PIAS1: variants seen among roughly 807,000 people sequenced by gnomAD.
PIAS1 encodes protein inhibitor of activated STAT 1.
A neutral mutation model predicts 71.3 loss-of-function variants in PIAS1; 6 were observed. That is an observed-to-expected ratio of 0.08 (90% CI 0.05 to 0.17). The LOEUF (loss-of-function observed/expected upper bound fraction) is 0.17. PIAS1 is among the 10% of genes least tolerant of loss of function. The probability of loss-of-function intolerance (pLI) is 1.00; values close to 1 mark genes in which losing one functional copy is unlikely to be tolerated. For synonymous variants in PIAS1, 303 were observed against 292.9 expected, an observed-to-expected ratio of 1.03 and a Z score of -0.35; for missense variants, 555 against 793.6, an observed-to-expected ratio of 0.70 and a Z score of 3.61.
At chr15:68,095,886 A>G (rs2092371213) in intron 2 of PIAS1, among the ~76,000 whole-genome samples, 2 of 152,158 alleles carry the variant, frequency 1.3e-5, no homozygotes, top group Non-Finnish European at 2.9e-5. Context: ...AGCTCTGGGC[A>G]GAGATTAGTT....
intron 2 of PIAS1, among the ~76,000 whole-genome samples, chr15:68,120,550 G>T (rs190586192): frequency 8.0e-4 from 121 of 152,050 alleles, no homozygotes; most frequent in African/African-American, 2.8e-3. Context: ...AATTCGTCAC[G>T]ACCCTACTTC....
chr15:68,107,719 G>A (rs550275194), intron 2 of PIAS1, among the ~76,000 whole-genome samples: 2 of 151,862 alleles, frequency 1.3e-5, no homozygotes, highest in Non-Finnish European at 2.9e-5. Flanking sequence ...AGATAAGATG[G>A]TCATCAGTTA....
chr15:68,159,722 T>G (rs1158632538), intron 7 of PIAS1, among the ~76,000 whole-genome samples: 1 of 152,186 alleles, frequency 6.6e-6, no homozygotes, highest in Non-Finnish European at 1.5e-5. Context: ...GATAAATTGA[T>G]GGACATTTGG....
intron 1 of PIAS1, among the ~76,000 whole-genome samples, chr15:68,066,313 T>C (rs2092025202): frequency 6.6e-6 from 1 of 152,008 alleles, no homozygotes; most frequent in Non-Finnish European, 1.5e-5. Context: ...TTCACCATGT[T>C]GGCCAGGCTG....
chr15:68,090,927 G>GGTGTGTGTGT (rs10667510), intron 2 of PIAS1, among the ~76,000 whole-genome samples: 27,676 of 142,586 alleles, frequency 0.19, 3,217 homozygotes, highest in East Asian at 0.44. Context: ...GTCATTTACG[G>GGTGTGTGTGT]GTGTGTGTGT....
intron 2 of PIAS1, among the ~76,000 whole-genome samples, chr15:68,139,454 A>G (rs2092755205): frequency 6.6e-6 from 1 of 152,244 alleles, no homozygotes; most frequent in Non-Finnish European, 1.5e-5. Context: ...TGTACATACT[A>G]TATATGTAGC....
intron 12 of PIAS1, among the ~76,000 whole-genome samples, chr15:68,182,490 C>CGTGTGTGTGTGTGTGTGTGTGTGTGT (rs67774530): frequency 1.6e-4 from 20 of 123,354 alleles, no homozygotes; most frequent in African/African-American, 4.5e-4. Context: ...GCTCAGGCTG[C>CGTGTGTGTGTGTGTGTGTGTGTGTGT]GTGTGTGTGT....
chr15:68,141,983 T>C lies in PIAS1; in HGVS notation c.507T>C (p.Phe169=). 1 of 1,605,572 alleles carries C rather than the reference T, an allele frequency of 6.2e-7. No individual in the cohort carries two copies. The highest frequency in any genetic ancestry group is 8.5e-7 in the Non-Finnish European group (1 of 1,175,394). The change falls in exon 3 of 14, where the codon TTT becomes TTC. Residue 169 remains phenylalanine (F), a synonymous_variant. Transcript: ENST00000249636. ...DNSQRFRETC[F]AFALTPQQVQ... ...GTCAGCGCTTTCGAGAAACCTGTTT[T>C]GCATTTGCCTTGACACCACAACAAG...
chr15:68,131,291 C>T (rs1247759115), intron 2 of PIAS1, among the ~76,000 whole-genome samples: 1 of 152,058 alleles, frequency 6.6e-6, no homozygotes, highest in Non-Finnish European at 1.5e-5. Context: ...ATTTATGGGG[C>T]ACAGAGTGAT....
chr15:68,137,790 C>T (rs2092743745), intron 2 of PIAS1, among the ~76,000 whole-genome samples: 1 of 152,182 alleles, frequency 6.6e-6, no homozygotes, highest in African/African-American at 2.4e-5. Context: ...GTTCTACTGA[C>T]ATCACATCTG....
intron 1 of PIAS1, among the ~76,000 whole-genome samples, chr15:68,077,438 AT>A (rs1347400798): frequency 6.6e-6 from 1 of 152,238 alleles, no homozygotes; most frequent in African/African-American, 2.4e-5. Context: ...CATTTTAAGC[AT>A]TTTAAGAGTC....
In PIAS1 at chr15:68,192,095, T is replaced by G. The variant is rs2093122978; in HGVS notation, c.*4260T>G. ...CTCATTTATTATATCCAGAACTTGCTCTTCCTGTGCCATCTAAATCATTGG... is the reference window on the plus strand; with the variant it reads ...CTCATTTATTATATCCAGAACTTGCGCTTCCTGTGCCATCTAAATCATTGG... On this transcript the variant is annotated 3_prime_UTR_variant, in exon 14 of 14. Coordinates refer to ENST00000249636, the MANE Select transcript of PIAS1 (RefSeq NM_016166.3). 1 of 152,276 alleles carries G rather than the reference T, an allele frequency of 6.6e-6. No homozygotes were observed. The highest frequency in any genetic ancestry group is 2.4e-5 in the African/African-American group (1 of 41,468). 9.4% of individuals were successfully genotyped at this position (152,276 alleles called of 1,614,324 possible).
chr15:68,184,660 C>G (rs1264474780), intron 13 of PIAS1: 1 of 152,250 alleles, frequency 6.6e-6, no homozygotes, highest in Non-Finnish European at 1.5e-5. Flanking sequence ...TTTGGAAACT[C>G]TAGATAAGCT....
chr15:68,103,446 T>C (rs1028494399), intron 2 of PIAS1, among the ~76,000 whole-genome samples: 4 of 152,152 alleles, frequency 2.6e-5, no homozygotes, highest in African/African-American at 9.7e-5. Flanking sequence ...TGTTTTAAAA[T>C]AGCTTTATTG....
chr15:68,094,408 C>A (rs2092357544), intron 2 of PIAS1, among the ~76,000 whole-genome samples: 1 of 151,508 alleles, frequency 6.6e-6, no homozygotes, highest in Admixed American at 6.6e-5. Flanking sequence ...TTGGGTTTTG[C>A]TCTAGGCAAA....
intron 5 of PIAS1, among the ~76,000 whole-genome samples, chr15:68,146,132 A>G (rs2092806287): frequency 1.3e-5 from 2 of 152,234 alleles, no homozygotes; most frequent in South Asian, 4.1e-4. Context: ...TTAGTGTTGT[A>G]CTGGATTTTG....
chr15:68,176,559 A>G lies in PIAS1; in HGVS notation c.1386A>G (p.Leu462=), dbSNP rs765393096. The change falls in exon 11 of 14, where the codon CTA becomes CTG. Residue 462 remains leucine (L), a synonymous_variant. Transcript: ENST00000249636. ...NKNKKVEVID[L]TIDSSSDEEE... is the part of the protein sequence containing the mutation. ...ACAAGAAAGTAGAAGTGATTGACCT[A>G]ACCATAGACAGTTCATCTGATGAAG... 22 of 1,613,028 alleles carry G rather than the reference A, an allele frequency of 1.4e-5. No individual in the cohort carries two copies. The highest frequency in any genetic ancestry group is 1.9e-5 in the Non-Finnish European group (22 of 1,179,408).
intron 1 of PIAS1, among the ~76,000 whole-genome samples, chr15:68,058,417 T>G (rs980371929): frequency 6.6e-6 from 1 of 152,214 alleles, no homozygotes; most frequent in Non-Finnish European, 1.5e-5. Flanking sequence ...TTTTTATAGA[T>G]AGAGAAAGTG....
At chr15:68,084,514 T>C (rs1168033995) in intron 1 of PIAS1, among the ~76,000 whole-genome samples, 1 of 152,168 alleles carries the variant, frequency 6.6e-6, no homozygotes, top group African/African-American at 2.4e-5. Context: ...AGAGAAAACA[T>C]TTCTAAGATT....
Sources: gnomAD v4.1 joint callset for allele counts (sites outside exome capture counted in the v4.1 genomes callset) on GRCh38, gnomAD v4.1.1 for gene constraint, MANE v1.5 for transcripts, NCBI Gene and HGNC (gene_info 2026-07-23, HGNC 2026-07-21) for gene names.